PTPRM: variants seen among roughly 807,000 people sequenced by gnomAD.
PTPRM encodes protein tyrosine phosphatase receptor type M.
A neutral mutation model predicts 186.7 loss-of-function variants in PTPRM; 47 were observed. The observed-to-expected ratio is 0.25, with a 90% CI of 0.20 to 0.32. PTPRM has a LOEUF of 0.32. PTPRM is among the 10% of genes least tolerant of loss of function. PTPRM has a pLI of 1.00. For synonymous variants in PTPRM, 668 were observed against 674.9 expected, an observed-to-expected ratio of 0.99 and a Z score of 0.16; for missense variants, 1,494 against 1,865.0, an observed-to-expected ratio of 0.80 and a Z score of 3.66.
intron 7 of PTPRM, among the ~76,000 whole-genome samples, chr18:8,040,176 T>C (rs1477515328): frequency 1.3e-5 from 2 of 152,128 alleles, no homozygotes; most frequent in African/African-American, 4.8e-5. Flanking sequence ...ATGTGGAGGG[T>C]AAAGAAGTTC....
chr18:8,015,397 T>G (rs1013881041), intron 7 of PTPRM, among the ~76,000 whole-genome samples: 1 of 152,212 alleles, frequency 6.6e-6, no homozygotes, highest in African/African-American at 2.4e-5. Flanking sequence ...AACCTCTACC[T>G]TTTTCAAATT....
intron 15 of PTPRM, among the ~76,000 whole-genome samples, chr18:8,246,369 G>T (rs145103478): frequency 6.6e-6 from 1 of 152,236 alleles, no homozygotes; most frequent in East Asian, 1.9e-4. Context: ...TTATGAGAAT[G>T]GGGATTAATC....
At chr18:8,142,922 C>A (rs1244288931) in intron 13 of PTPRM, among the ~76,000 whole-genome samples, 1 of 152,250 alleles carries the variant, frequency 6.6e-6, no homozygotes, top group Non-Finnish European at 1.5e-5. Context: ...ACGGGACAAA[C>A]ATGTCTCATG....
intron 7 of PTPRM, among the ~76,000 whole-genome samples, chr18:8,008,303 G>T (rs1367696305): frequency 6.6e-6 from 1 of 152,108 alleles, no homozygotes; most frequent in Non-Finnish European, 1.5e-5. Context: ...AAATCACTGA[G>T]AAATCAATAA....
intron 14 of PTPRM, among the ~76,000 whole-genome samples, chr18:8,203,483 C>T (rs1469955675): frequency 6.6e-6 from 1 of 152,098 alleles, no homozygotes; most frequent in Non-Finnish European, 1.5e-5. Context: ...GGTGCTTGAT[C>T]CTTGATTCTT....
intron 23 of PTPRM, among the ~76,000 whole-genome samples, chr18:8,344,071 T>C (rs1050101179): frequency 1.3e-5 from 2 of 152,218 alleles, no homozygotes; most frequent in Non-Finnish European, 2.9e-5. Context: ...AGGAAACTTT[T>C]ACATAGTTGT....
intron 22 of PTPRM, among the ~76,000 whole-genome samples, chr18:8,320,494 A>G (rs927754667): frequency 5.3e-5 from 8 of 152,228 alleles, no homozygotes; most frequent in African/African-American, 1.9e-4. Flanking sequence ...TCATAGCTAC[A>G]AATCACATGT....
intron 1 of PTPRM, among the ~76,000 whole-genome samples, chr18:7,575,029 C>G (rs1036963286): frequency 9.2e-5 from 14 of 152,098 alleles, no homozygotes; most frequent in Admixed American, 1.3e-4. Context: ...GAGACTCCGT[C>G]TCAAAAAACA....
In PTPRM at chr18:8,384,579, C is replaced by G; in HGVS notation, c.3937C>G (p.Pro1313Ala). 6.2e-7 allele frequency: 1 copy of G among 1,614,122 alleles called. No homozygotes were observed. The highest frequency in any genetic ancestry group is 8.5e-7 in the Non-Finnish European group (1 of 1,180,000). The change falls in exon 30 of 33, where the codon CCA becomes GCA. Residue 1313 changes from proline to alanine, a missense_variant. Physicochemically the swap from Pro to Ala is conservative, Grantham distance 27. Coordinates refer to ENST00000580170, the MANE Select transcript of PTPRM (RefSeq NM_001105244.2). Reference sequence around the variant, plus strand: ...AATTCAGTTGTGTCCACAGTACTGGCCAGAAAACGGAGTACACAGACACGG... The same window carrying G: ...AATTCAGTTGTGTCCACAGTACTGGGCAGAAAACGGAGTACACAGACACGG... ...DPAQLCPQYW[P>A]ENGVHRHGPI...
intron 1 of PTPRM, among the ~76,000 whole-genome samples, chr18:7,719,957 G>A (rs780135592): frequency 3.9e-5 from 6 of 152,088 alleles, no homozygotes; most frequent in Non-Finnish European, 8.8e-5. Flanking sequence ...CAAACTACTC[G>A]TTAGACTGAG....
chr18:8,350,780 G>A (rs2095530202), intron 23 of PTPRM, among the ~76,000 whole-genome samples: 1 of 152,150 alleles, frequency 6.6e-6, no homozygotes. Context: ...TCTCTTACAA[G>A]TGTTTGAAGT....
At chr18:7,998,747 C>T (rs1402049777) in intron 7 of PTPRM, among the ~76,000 whole-genome samples, 1 of 152,026 alleles carries the variant, frequency 6.6e-6, no homozygotes, top group South Asian at 2.1e-4. Context: ...CTCCACCTCC[C>T]GGGTTTAAGT....
At chr18:7,926,165 C>T (rs1343852270) in intron 4 of PTPRM, among the ~76,000 whole-genome samples, 1 of 152,150 alleles carries the variant, frequency 6.6e-6, no homozygotes, top group Non-Finnish European at 1.5e-5. Context: ...CATCATTTAA[C>T]TTCTTACTGT....
At chr18:8,250,120 A>G (rs962313622) in intron 17 of PTPRM, among the ~76,000 whole-genome samples, 20 of 152,186 alleles carry the variant, frequency 1.3e-4, no homozygotes, top group Non-Finnish European at 2.5e-4. Flanking sequence ...CAGCACAATT[A>G]AATTCTCTGG....
At chr18:8,014,389 A>G (rs1391971590) in intron 7 of PTPRM, among the ~76,000 whole-genome samples, 2 of 152,126 alleles carry the variant, frequency 1.3e-5, no homozygotes, top group Non-Finnish European at 2.9e-5. Context: ...TGAAGAAGTG[A>G]CATTTTCCTG....
chr18:8,238,884 A>G (rs541627477), intron 14 of PTPRM, among the ~76,000 whole-genome samples: 33 of 151,010 alleles, frequency 2.2e-4, no homozygotes, highest in African/African-American at 7.3e-4. Flanking sequence ...TTGGGATAGG[A>G]TGGCTAACGT....
chr18:7,988,257 A>G (rs1434959237), intron 7 of PTPRM, among the ~76,000 whole-genome samples: 1 of 152,208 alleles, frequency 6.6e-6, no homozygotes, highest in Non-Finnish European at 1.5e-5. Context: ...AGAAAATGCA[A>G]ATGATTTAGA....
chr18:8,229,600 C>A (rs2094259276), intron 14 of PTPRM, among the ~76,000 whole-genome samples: 1 of 151,910 alleles, frequency 6.6e-6, no homozygotes, highest in Admixed American at 6.6e-5. Flanking sequence ...CATCATGATT[C>A]TTTTGTTTAT....
chr18:7,648,597 A>G (rs1437689928), intron 1 of PTPRM, among the ~76,000 whole-genome samples: 1 of 152,216 alleles, frequency 6.6e-6, no homozygotes, highest in East Asian at 1.9e-4. Flanking sequence ...GCTGATATGG[A>G]TAATGTTTGA....
Sources: allele counts gnomAD v4.1 joint callset (sites outside exome capture counted in the v4.1 genomes callset), GRCh38; gene constraint gnomAD v4.1.1; transcripts MANE v1.5; gene names NCBI Gene and HGNC (gene_info 2026-07-23, HGNC 2026-07-21).